The following CD99 variants were observed in gnomAD, a reference collection of about 807,000 sequenced individuals.
The protein encoded by CD99 is CD99 molecule (Xg blood group).
In CD99, 19 loss-of-function variants were observed where a neutral mutation model predicts 28.4. The observed-to-expected ratio is 0.67, with a 90% CI of 0.47 to 0.98. The LOEUF (loss-of-function observed/expected upper bound fraction) is 0.98, where lower values mean the gene tolerates loss of function less well. Ranked by LOEUF, CD99 falls within the 50% of genes least tolerant of loss-of-function variation. The pLI, the probability that CD99 is intolerant of heterozygous loss-of-function variation, is 0.00. For missense variants in CD99, 283 were observed against 248.8 expected (o/e 1.14, Z -0.92); for synonymous variants, 103 against 92.1 (o/e 1.12, Z -0.67).
intron 5 of CD99, 113 bp downstream of exon 5, chrX:2,720,537 G>A: frequency 1.1e-6 from 1 of 916,562 alleles, no homozygotes; most frequent in Non-Finnish European, 1.8e-6. Flanking sequence ...TTGACTGCCT[G>A]TGCAGTGTAA....
At chrX:2,714,595 A>G (rs1244986399) in intron 2 of CD99, 141 bp downstream of exon 2, 3 of 660,702 alleles carry the variant, frequency 4.5e-6, no homozygotes, top group East Asian at 2.6e-5. Flanking sequence ...TTCCCAGTAC[A>G]TATAAATGTT....
At chrX:2,706,291 C>CA (rs1227204965) in intron 1 of CD99, among the ~76,000 whole-genome samples, 3 of 152,032 alleles carry the variant, frequency 2.0e-5, no homozygotes, top group Non-Finnish European at 2.9e-5. Context: ...ACCCGGGAGG[C>CA]ATAGCTTGCA....
chrX:2,691,743 T>TC, intron 1 of CD99: 1 of 733,758 alleles, frequency 1.4e-6, no homozygotes, highest in Non-Finnish European at 2.5e-6. Flanking sequence ...CAGATCTCTC[T>TC]CCCTTTGCAT....
At chrX:2,707,706 CTT>C (rs891673264) in intron 1 of CD99, among the ~76,000 whole-genome samples, 6 of 152,188 alleles carry the variant, frequency 3.9e-5, no homozygotes, top group East Asian at 1.9e-4. Flanking sequence ...GGTCTGGTCT[CTT>C]TGCAAATTTG....
intron 8 of CD99, chrX:2,733,314 T>C (rs745834352): frequency 7.1e-6 from 11 of 1,551,966 alleles, no homozygotes; most frequent in Non-Finnish European, 8.7e-6. Flanking sequence ...CCAGTTTACT[T>C]TTTGTATTAT....
intron 9 of CD99, among the ~76,000 whole-genome samples, chrX:2,740,137 A>T (rs1292404431): frequency 2.6e-5 from 4 of 151,954 alleles, no homozygotes; most frequent in Non-Finnish European, 1.5e-5. Context: ...TGTCTTGTTG[A>T]CTGCTCTTTC....
At chrX:2,691,866 G>T (rs2047319354) in intron 1 of CD99, 1 of 778,804 alleles carries the variant, frequency 1.3e-6, no homozygotes. Flanking sequence ...CTGCGTCCCG[G>T]GCCTAAATTT....
rs2048799682 is a variant in CD99, at chrX:2,717,721, C to G, written c.148+69C>G. 3.2e-5 allele frequency: 44 copies of G among 1,377,362 alleles called. No individual in the cohort carries two copies. The South Asian group carries it at 3.7e-4, about 12-fold the overall frequency. 85.3% of individuals were successfully genotyped at this position (1,377,362 alleles called of 1,614,324 possible). On this transcript the variant is annotated intron_variant, in intron 3 of 9. Transcript: ENST00000381192. Reference sequence around the variant, plus strand: ...CATTTTCTCGGACAGCAGGACGGGACTTAGGCAACTAGAAAGAAGACAGAA... The same window carrying G: ...CATTTTCTCGGACAGCAGGACGGGAGTTAGGCAACTAGAAAGAAGACAGAA...
intron 7 of CD99, among the ~76,000 whole-genome samples, chrX:2,724,020 G>C (rs865794140): frequency 7.2e-6 from 1 of 137,948 alleles, no homozygotes; most frequent in Non-Finnish European, 1.5e-5. Context: ...GAGGGAAGAA[G>C]GGAAGGAAGG....
At chrX:2,713,186 C>T (rs1251469208) in intron 1 of CD99, among the ~76,000 whole-genome samples, 1 of 151,922 alleles carries the variant, frequency 6.6e-6, no homozygotes, top group African/African-American at 2.4e-5. Context: ...ATAACACCTA[C>T]ACACATGCAT....
intron 6 of CD99, 153 bp from the exon 7 acceptor site, chrX:2,723,161 A>C (rs3828932): frequency 0.32 from 62,593 of 197,148 alleles, 10,379 homozygotes; most frequent in Middle Eastern, 0.37. Flanking sequence ...ATGCACCCTT[A>C]GAGTGTAATA....
intron 8 of CD99, chrX:2,733,254 C>A: frequency 1.6e-6 from 2 of 1,236,958 alleles, no homozygotes; most frequent in Non-Finnish European, 2.3e-6. Context: ...CTCTTTCTAA[C>A]ACCTCCCTGC....
intron 7 of CD99, among the ~76,000 whole-genome samples, chrX:2,724,444 C>T (rs180715128): frequency 1.3e-5 from 2 of 151,974 alleles, no homozygotes; most frequent in Admixed American, 1.3e-4. Flanking sequence ...GAAGGGTCCT[C>T]TGAAGCTCAC....
intron 1 of CD99, 170 bp downstream of exon 1, chrX:2,691,597 CTT>C (rs1426558132): frequency 1.3e-6 from 1 of 751,074 alleles, no homozygotes; most frequent in South Asian, 1.5e-5. Flanking sequence ...GAGGCGCCCA[CTT>C]TCTCCCCAAC....
At chrX:2,716,081 C>G (rs979123590) in intron 2 of CD99, among the ~76,000 whole-genome samples, 131 of 150,664 alleles carry the variant, frequency 8.7e-4, no homozygotes, top group Non-Finnish European at 1.6e-3. Flanking sequence ...TGCAGTGGCA[C>G]GATCTCGGCT....
intron 1 of CD99, among the ~76,000 whole-genome samples, chrX:2,698,751 G>T (rs1225886167): frequency 6.6e-6 from 1 of 152,116 alleles, no homozygotes; most frequent in East Asian, 1.9e-4. Flanking sequence ...CATCCCTCCT[G>T]CATTCCTGAT....
At chrX:2,693,169 A>G (rs2047414273) in intron 1 of CD99, among the ~76,000 whole-genome samples, 1 of 148,446 alleles carries the variant, frequency 6.7e-6, no homozygotes. Flanking sequence ...TTTTGGACGG[A>G]GTTTCACTCT....
chrX:2,726,241 T>A lies in CD99; in HGVS notation c.362-19T>A. On this transcript the variant is annotated intron_variant, in intron 7 of 9. Coordinates refer to ENST00000381192, the MANE Select transcript of CD99 (RefSeq NM_002414.5). ...ACCGTGCGTGTCTCAATCACGATGC[T>A]GTGTGCTTCCTCCTGCAGCCGACGC... 1 of 1,504,256 alleles carries A rather than the reference T, an allele frequency of 6.6e-7. No individual in the cohort carries two copies. The highest frequency in any genetic ancestry group is 9.2e-7 in the Non-Finnish European group (1 of 1,081,708). 93.2% of individuals were successfully genotyped at this position (1,504,256 alleles called of 1,614,324 possible). A position where few individuals can be genotyped will look rare whatever the true frequency, so the allele number is the denominator to read the frequency against.
rs188117552 is a variant in CD99, at chrX:2,713,221, C to T, written c.68-1201C>T. On this transcript the variant is annotated intron_variant, in intron 1 of 9. Transcript: ENST00000381192. ...TACAGAACCCACACATACATGCATCCATAGGCACACAGAAACACACCTACA... is the reference window on the plus strand; with the variant it reads ...TACAGAACCCACACATACATGCATCTATAGGCACACAGAAACACACCTACA... 8.5e-3 allele frequency among the ~76,000 whole-genome samples: 1,285 copies of T among 151,590 alleles called. 13 individuals carry two copies. Among genetic ancestry groups the T allele is most frequent in the African/African-American group, 0.03 (1,228 of 41,282 alleles).
Sources: gnomAD v4.1 joint callset for allele counts (sites outside exome capture counted in the v4.1 genomes callset) on GRCh38, gnomAD v4.1.1 for gene constraint, MANE v1.5 for transcripts, NCBI Gene and HGNC (gene_info 2026-07-23, HGNC 2026-07-21) for gene names.